The following ARHGEF3 variants were observed in gnomAD, a reference collection of about 807,000 sequenced individuals.
The protein encoded by ARHGEF3 is Rho guanine nucleotide exchange factor 3.
In ARHGEF3, 28 loss-of-function variants were observed where a neutral mutation model predicts 63.2. That is an observed-to-expected ratio of 0.44 (90% confidence interval 0.33 to 0.61). ARHGEF3 has a LOEUF of 0.61. ARHGEF3 is among the 20% of genes least tolerant of loss of function. The pLI is 0.03. For missense variants in ARHGEF3, 533 were observed against 659.3 expected, an observed-to-expected ratio of 0.81 and a Z score of 2.10; for synonymous variants, 266 against 254.2, an observed-to-expected ratio of 1.05 and a Z score of -0.44.
intron 3 of ARHGEF3, among the ~76,000 whole-genome samples, chr3:56,919,415 T>C (rs1232851029): frequency 6.6e-6 from 1 of 152,226 alleles, no homozygotes; most frequent in Non-Finnish European, 1.5e-5. Context: ...ATGATAACAT[T>C]GTTCTACCAC....
chr3:56,762,089 G>C (rs1303110830), intron 2 of ARHGEF3, among the ~76,000 whole-genome samples: 2 of 152,122 alleles, frequency 1.3e-5, no homozygotes, highest in Non-Finnish European at 2.9e-5. Context: ...CAGCAGCACA[G>C]CCAGCCCAGT....
chr3:56,806,202 T>C (rs1486305404), upstream of ARHGEF3, among the ~76,000 whole-genome samples: 1 of 152,224 alleles, frequency 6.6e-6, no homozygotes, highest in Non-Finnish European at 1.5e-5. Context: ...TTTTAGGCAA[T>C]CTGCCTGAGA....
intron 3 of ARHGEF3, among the ~76,000 whole-genome samples, chr3:56,901,676 T>A (rs972155876): frequency 5.3e-5 from 8 of 151,572 alleles, no homozygotes; most frequent in African/African-American, 9.7e-5. Flanking sequence ...CTTAATCTCC[T>A]GGGCTCATGT....
At chr3:57,019,575 T>A (rs1466344360) in intron 2 of ARHGEF3, among the ~76,000 whole-genome samples, 2 of 152,094 alleles carry the variant, frequency 1.3e-5, no homozygotes, top group Non-Finnish European at 2.9e-5. Context: ...GTCAGATATA[T>A]TTACACCTCA....
chr3:56,952,029 T>C (rs781161411), intron 3 of ARHGEF3, among the ~76,000 whole-genome samples: 11 of 151,944 alleles, frequency 7.2e-5, no homozygotes, highest in Non-Finnish European at 1.2e-4. Flanking sequence ...CCTTGTATAA[T>C]CCTCTCCCCT....
intron 2 of ARHGEF3, among the ~76,000 whole-genome samples, chr3:57,011,490 G>A (rs1201436953): frequency 2.6e-5 from 4 of 152,140 alleles, no homozygotes; most frequent in Non-Finnish European, 5.9e-5. Context: ...GGTGAGGTGG[G>A]TGCTACTGGA....
At chr3:56,927,587 G>C (rs2042306605) in intron 3 of ARHGEF3, among the ~76,000 whole-genome samples, 1 of 152,042 alleles carries the variant, frequency 6.6e-6, no homozygotes, top group African/African-American at 2.4e-5. Flanking sequence ...AAAAATGAGG[G>C]GTCTGAGGAG....
At position 56,729,222 on chromosome 3, in the gene ARHGEF3, C is replaced by G; in HGVS notation, c.*48G>C. 6.6e-7 allele frequency: 1 copy of G among 1,515,150 alleles called. No homozygotes were observed. Among genetic ancestry groups the G allele is most frequent in the Non-Finnish European group, 9.0e-7 (1 of 1,115,102 alleles). The allele number at this position is 1,515,150 out of a possible 1,614,324, so 93.9% of individuals were successfully genotyped here. A position where few individuals can be genotyped will look rare whatever the true frequency, so the allele number is the denominator to read the frequency against. On this transcript the variant is annotated 3_prime_UTR_variant, in exon 10 of 10. Coordinates refer to ENST00000296315, the MANE Select transcript of ARHGEF3 (RefSeq NM_019555.3). Reference sequence around the variant, plus strand: ...CCGTTCCATCTGTGGAATGCAAATACTGTACAGGTAAGATGCAGGCCTGCT... The same window carrying G: ...CCGTTCCATCTGTGGAATGCAAATAGTGTACAGGTAAGATGCAGGCCTGCT...
intron 1 of ARHGEF3, among the ~76,000 whole-genome samples, chr3:56,799,395 C>T (rs1298171192): frequency 6.6e-6 from 1 of 152,224 alleles, no homozygotes; most frequent in South Asian, 2.1e-4. Context: ...TGCTCTGTTG[C>T]AACGGCCTTT....
intron 2 of ARHGEF3, among the ~76,000 whole-genome samples, chr3:56,977,927 A>C (rs1339856907): frequency 6.6e-6 from 1 of 152,188 alleles, no homozygotes; most frequent in Non-Finnish European, 1.5e-5. Flanking sequence ...TGGGACTGTC[A>C]AAAGAGCAGA....
In ARHGEF3 at chr3:56,729,198, C is replaced by T. The variant is rs1027786123; in HGVS notation, c.*72G>A. 5.8e-6 allele frequency: 8 copies of T among 1,374,992 alleles called. No homozygotes were observed. The African/African-American group carries it at 7.3e-5, about 13-fold the overall frequency. The allele number at this position is 1,374,992 out of a possible 1,614,324, so 85.2% of individuals were successfully genotyped here. On this transcript the variant is annotated 3_prime_UTR_variant, in exon 10 of 10. Transcript: ENST00000296315. ...AGTATGAAAAAGTGCTTCTCCAAAC[C>T]GTTCCATCTGTGGAATGCAAATACT...
At chr3:56,776,810 G>T (rs1261114914) in intron 1 of ARHGEF3, among the ~76,000 whole-genome samples, 1 of 152,120 alleles carries the variant, frequency 6.6e-6, no homozygotes. Flanking sequence ...GCCAGACCAA[G>T]CTGGGCAAGG....
chr3:56,925,815 C>T (rs558633162), intron 3 of ARHGEF3, among the ~76,000 whole-genome samples: 10 of 152,184 alleles, frequency 6.6e-5, no homozygotes, highest in Admixed American at 1.3e-4. Context: ...ACAGTGCAGG[C>T]ACCAAAGCCA....
Position 57,042,682 on chromosome 3 carries a change from ATATATATATATATATATAT to A in ARHGEF3, c.-27-7525_-27-7507del, listed in dbSNP as rs1262763888. On this transcript the variant is annotated intron_variant, in intron 1 of 12. Coordinates refer to the ARHGEF3 transcript ENST00000338458. The stretch of plus-strand genomic sequence containing the variant: ...TATATATATATATATATATATATAT[ATATATATATATATATATAT>A]TTTTTTTTTTTTTTAGACGGAGTCT... 1.6e-3 allele frequency among the ~76,000 whole-genome samples: 27 copies of A among 17,310 alleles called. 3 individuals carry two copies. Among genetic ancestry groups the A allele is most frequent in the East Asian group, 2.6e-3 (1 of 380 alleles). The allele number at this position is 17,310 out of a possible 152,430, so 11.4% of individuals were successfully genotyped here.
At chr3:56,802,236 G>C (rs962569974), upstream of ARHGEF3, among the ~76,000 whole-genome samples, 3 of 152,202 alleles carry the variant, frequency 2.0e-5, no homozygotes, top group African/African-American at 7.2e-5. Context: ...CTCTCCGGGT[G>C]AAAGGCTGCT....
In ARHGEF3 at chr3:56,945,294, G is replaced by A. The variant is rs139614429; in HGVS notation, c.129+13529C>T. ...TGCAGGACAGTGGATGCAGTTCACC[G>A]AGCGTGAGCCGAAGCAGGGTGAGGC... On this transcript the variant is annotated intron_variant, in intron 3 of 12. Transcript: ENST00000338458. Among the ~76,000 whole-genome samples, 85 of 152,200 alleles carry A rather than the reference G, an allele frequency of 5.6e-4. 1 individual carries two copies. Among genetic ancestry groups the A allele is most frequent in the Admixed American group, 9.8e-4 (15 of 15,298 alleles).
intron 3 of ARHGEF3, among the ~76,000 whole-genome samples, chr3:56,906,690 G>T (rs1382009229): frequency 2.0e-5 from 3 of 151,912 alleles, no homozygotes; most frequent in East Asian, 3.9e-4. Context: ...ACAAAAATTA[G>T]CTGGGCGTGG....
intron 3 of ARHGEF3, among the ~76,000 whole-genome samples, chr3:56,912,110 ATCAT>A (rs2041869383): frequency 6.6e-6 from 1 of 152,154 alleles, no homozygotes; most frequent in African/African-American, 2.4e-5. Flanking sequence ...CATTCATTAA[ATCAT>A]TCATTAAATC....
At chr3:56,768,334 C>T (rs1213546459) in intron 2 of ARHGEF3, among the ~76,000 whole-genome samples, 1 of 151,980 alleles carries the variant, frequency 6.6e-6, no homozygotes, top group Non-Finnish European at 1.5e-5. Flanking sequence ...GCTGAGATTA[C>T]AGGTGTGAGC....
Sources: gnomAD v4.1 joint callset for allele counts (sites outside exome capture counted in the v4.1 genomes callset) on GRCh38, gnomAD v4.1.1 for gene constraint, MANE v1.5 for transcripts, NCBI Gene and HGNC (gene_info 2026-07-23, HGNC 2026-07-21) for gene names.